The following ERBB4 variants were observed in gnomAD, a reference collection of about 807,000 sequenced individuals.
The protein encoded by ERBB4 is receptor tyrosine-protein kinase erbB-4.
In ERBB4, 42 loss-of-function variants were observed where a neutral mutation model predicts 158.0. The ratio of observed to expected loss-of-function variants is 0.27; its 90% CI spans 0.21 to 0.34. The LOEUF (loss-of-function observed/expected upper bound fraction) is 0.34, where lower values mean the gene tolerates loss of function less well. Ranked by LOEUF, ERBB4 falls within the 10% of genes least tolerant of loss-of-function variation. The pLI is 1.00. For missense variants in ERBB4, 1,333 were observed against 1,624.1 expected, an observed-to-expected ratio of 0.82 and a Z score of 3.08; for synonymous variants, 583 against 558.7, an observed-to-expected ratio of 1.04 and a Z score of -0.61.
At chr2:211,622,890 GA>G (rs1376131556) in intron 18 of ERBB4, among the ~76,000 whole-genome samples, 1 of 144,694 alleles carries the variant, frequency 6.9e-6, no homozygotes, top group Non-Finnish European at 1.5e-5. Flanking sequence ...TGGAACCTGG[GA>G]GGAGGAGGTT....
chr2:211,537,528 C>T (rs1055718553), intron 20 of ERBB4, among the ~76,000 whole-genome samples: 1 of 151,876 alleles, frequency 6.6e-6, no homozygotes, highest in African/African-American at 2.4e-5. Context: ...ATTTTTGAAA[C>T]ACTTTTCTTC....
intron 1 of ERBB4, among the ~76,000 whole-genome samples, chr2:212,285,759 T>A (rs966525808): frequency 6.6e-6 from 1 of 152,124 alleles, no homozygotes; most frequent in African/African-American, 2.4e-5. Flanking sequence ...AAAGTAAGAA[T>A]TTGCATCAAT....
At chr2:212,090,382 A>G (rs957649345) in intron 2 of ERBB4, among the ~76,000 whole-genome samples, 2 of 152,132 alleles carry the variant, frequency 1.3e-5, no homozygotes, top group Admixed American at 1.3e-4. Flanking sequence ...TCCCTTACAC[A>G]CAGGTTTGAA....
At chr2:211,928,302 G>A (rs1484616558) in intron 3 of ERBB4, among the ~76,000 whole-genome samples, 6 of 151,820 alleles carry the variant, frequency 4.0e-5, no homozygotes. Context: ...TTTATCAAGA[G>A]TGGGTTTGTT....
At chr2:212,422,512 C>CAA (rs2091818366) in intron 1 of ERBB4, among the ~76,000 whole-genome samples, 1 of 151,820 alleles carries the variant, frequency 6.6e-6, no homozygotes, top group South Asian at 2.1e-4. Flanking sequence ...CACACACACA[C>CAA]ACACACACAC....
intron 1 of ERBB4, among the ~76,000 whole-genome samples, chr2:212,313,246 A>G (rs979404291): frequency 1.3e-5 from 2 of 150,930 alleles, no homozygotes; most frequent in African/African-American, 4.8e-5. Flanking sequence ...GAGCCAATAA[A>G]CATTCCAGAG....
At chr2:211,687,930 G>A (rs2072633114) in intron 12 of ERBB4, among the ~76,000 whole-genome samples, 1 of 152,132 alleles carries the variant, frequency 6.6e-6, no homozygotes, top group African/African-American at 2.4e-5. Context: ...CAAAATCCCA[G>A]TATATATCTT....
chr2:211,835,910 C>T (rs1575218849), intron 3 of ERBB4, among the ~76,000 whole-genome samples: 1 of 151,940 alleles, frequency 6.6e-6, no homozygotes, highest in East Asian at 1.9e-4. Flanking sequence ...CAGTTGAATA[C>T]CTTGGGGTTG....
rs77254577 is a variant in ERBB4 at position 211,981,800 on chromosome 2, C to T, written c.235-34184G>A. On this transcript the variant is annotated intron_variant, in intron 2 of 27. Coordinates refer to ENST00000342788, the MANE Select transcript of ERBB4 (RefSeq NM_005235.3). ...AAATATTTGCATTTGCCTCTGAAAT[C>T]CACATGAGTATGTGCACATGAGCTC... is the stretch of plus-strand genomic sequence containing the variant. Among the ~76,000 whole-genome samples the T allele has an allele frequency of 5.0e-3, 766 of 152,280 alleles. 11 individuals are homozygous for T. The East Asian group carries it at 0.066, about 13-fold the overall frequency.
chr2:212,013,742 T>G (rs1371475406), intron 2 of ERBB4, among the ~76,000 whole-genome samples: 1 of 152,094 alleles, frequency 6.6e-6, no homozygotes, highest in Non-Finnish European at 1.5e-5. Context: ...CCCTAGAGCA[T>G]CTTTTGTTTT....
intron 3 of ERBB4, among the ~76,000 whole-genome samples, chr2:211,791,620 G>A (rs867295980): frequency 6.6e-6 from 1 of 151,822 alleles, no homozygotes; most frequent in Non-Finnish European, 1.5e-5. Context: ...GACACAGATA[G>A]ATTCTTGGTC....
intron 1 of ERBB4, among the ~76,000 whole-genome samples, chr2:212,412,465 C>T (rs906684577): frequency 9.9e-5 from 15 of 152,168 alleles, no homozygotes; most frequent in Non-Finnish European, 1.9e-4. Context: ...GGCCATATGA[C>T]GTGCCTATTC....
At chr2:212,254,100 T>C (rs1395880209) in intron 1 of ERBB4, among the ~76,000 whole-genome samples, 1 of 150,418 alleles carries the variant, frequency 6.6e-6, no homozygotes, top group African/African-American at 2.4e-5. Flanking sequence ...CTGTAAAATT[T>C]AAAAAAAAAA....
chr2:212,387,830 C>T (rs1389041185), intron 1 of ERBB4, among the ~76,000 whole-genome samples: 2 of 152,010 alleles, frequency 1.3e-5, no homozygotes, highest in African/African-American at 4.8e-5. Flanking sequence ...CAAGAGTACA[C>T]TTTTGGTTAA....
intron 20 of ERBB4, among the ~76,000 whole-genome samples, chr2:211,460,230 G>A (rs2064494784): frequency 6.6e-6 from 1 of 152,054 alleles, no homozygotes; most frequent in South Asian, 2.1e-4. Flanking sequence ...TCGTCTGTAT[G>A]TCTTTTAAGT....
chr2:211,705,912 T>A (rs976548488), intron 9 of ERBB4, among the ~76,000 whole-genome samples: 2 of 152,158 alleles, frequency 1.3e-5, no homozygotes, highest in African/African-American at 2.4e-5. Context: ...TTTCATAATA[T>A]TTATAACATT....
At chr2:211,532,708 T>G (rs2066534666) in intron 20 of ERBB4, among the ~76,000 whole-genome samples, 2 of 151,758 alleles carry the variant, frequency 1.3e-5, no homozygotes, top group African/African-American at 4.8e-5. Context: ...ATAACAATAA[T>G]GAGAAGAGAA....
At chr2:211,810,101 T>C (rs1394856553) in intron 3 of ERBB4, among the ~76,000 whole-genome samples, 1 of 152,216 alleles carries the variant, frequency 6.6e-6, no homozygotes, top group Non-Finnish European at 1.5e-5. Context: ...AAGAGTGCTT[T>C]ACTTCCAACT....
chr2:211,924,466 A>G (rs1055835241), intron 3 of ERBB4, among the ~76,000 whole-genome samples: 19 of 152,176 alleles, frequency 1.2e-4, no homozygotes, highest in Admixed American at 2.6e-4. Flanking sequence ...CTATACATCT[A>G]TAAAAATAAA....
Sources: allele counts gnomAD v4.1 joint callset (sites outside exome capture counted in the v4.1 genomes callset), GRCh38; gene constraint gnomAD v4.1.1; transcripts MANE v1.5; gene names NCBI Gene and HGNC (gene_info 2026-07-23, HGNC 2026-07-21).